Variants in RBL1 observed in about 807,000 individuals in gnomAD.
RBL1 encodes the protein retinoblastoma-like protein 1.
A neutral mutation model predicts 123.0 loss-of-function variants in RBL1; 82 were observed. That is an observed-to-expected ratio of 0.67 (90% confidence interval 0.56 to 0.80). The LOEUF (loss-of-function observed/expected upper bound fraction) is 0.80, where lower values mean the gene tolerates loss of function less well. RBL1 is among the 30% of genes least tolerant of loss of function. The pLI, the probability that RBL1 is intolerant of heterozygous loss-of-function variation, is 0.00. For synonymous variants in RBL1, 405 were observed against 441.3 expected (o/e 0.92, Z 1.03); for missense variants, 1,171 against 1,299.6 (o/e 0.90, Z 1.52).
chr20:37,019,887 G>A (rs1225698002), intron 18 of RBL1, among the ~76,000 whole-genome samples: 1 of 152,052 alleles, frequency 6.6e-6, no homozygotes, highest in African/African-American at 2.4e-5. Context: ...ATGACTGAAA[G>A]GTTTCATGGA....
At chr20:37,055,489 C>A in intron 11 of RBL1, 64 bp downstream of exon 11, 1 of 1,609,794 alleles carries the variant, frequency 6.2e-7, no homozygotes, top group South Asian at 1.1e-5. Context: ...CAGAGCCTCT[C>A]AAAACACTGC....
At chr20:37,007,339 C>T (rs1236452625) in intron 20 of RBL1, 72 bp downstream of exon 20, 19 of 1,504,106 alleles carry the variant, frequency 1.3e-5, no homozygotes, top group Non-Finnish European at 1.6e-5. Flanking sequence ...ACATATTTAT[C>T]TAGCAAAATA....
At chr20:37,002,618 C>G (rs552642248) in intron 21 of RBL1, among the ~76,000 whole-genome samples, 1 of 150,874 alleles carries the variant, frequency 6.6e-6, no homozygotes, top group South Asian at 2.1e-4. Context: ...GGATTACAGG[C>G]ATGAGCCACC....
intron 13 of RBL1, among the ~76,000 whole-genome samples, chr20:37,043,162 G>GCACACACA (rs147834827): frequency 0.037 from 5,528 of 147,850 alleles, 197 homozygotes; most frequent in African/African-American, 0.094. Context: ...ATGCGCGCGT[G>GCACACACA]CACACACACA....
intron 12 of RBL1, among the ~76,000 whole-genome samples, chr20:37,045,349 G>T (rs1306878099): frequency 6.6e-6 from 1 of 151,910 alleles, no homozygotes; most frequent in Non-Finnish European, 1.5e-5. Flanking sequence ...CTCATGATCC[G>T]CCCGCCTTGG....
chr20:37,061,133 G>A lies in RBL1; in HGVS notation c.1220C>T (p.Ala407Val), dbSNP rs750014417. ...AATATTTATAAGTTGGTCACTTGGT[G>A]CATTTTTCAGACCAGCCACAATACT... ...LQSIVAGLKNAPSDQLINIFE... is the reference protein window; with the variant it reads ...LQSIVAGLKNVPSDQLINIFE... The change falls in exon 9 of 22, where the codon GCA becomes GTA. Residue 407 changes from alanine to valine, a missense_variant. Physicochemically the swap from Ala to Val is moderately conservative, Grantham distance 64. Transcript: ENST00000373664. The A allele has an allele frequency of 3.7e-6, 6 of 1,610,042 alleles. No individual in the cohort carries two copies. The South Asian group carries it at 5.5e-5, about 15-fold the overall frequency.
chr20:37,077,666 GCT>G (rs2146319947), intron 2 of RBL1, among the ~76,000 whole-genome samples: 1 of 151,468 alleles, frequency 6.6e-6, no homozygotes, highest in South Asian at 2.1e-4. Context: ...TAGCTTGTTG[GCT>G]CTTTTTCTCT....
chr20:37,072,490 G>A (rs1034200000), intron 2 of RBL1, among the ~76,000 whole-genome samples: 1 of 151,844 alleles, frequency 6.6e-6, no homozygotes, highest in Admixed American at 6.6e-5. Flanking sequence ...CAACGAGAGC[G>A]AAACTCCGTC....
At chr20:37,010,735 A>G (rs1425159799) in intron 19 of RBL1, among the ~76,000 whole-genome samples, 2 of 152,086 alleles carry the variant, frequency 1.3e-5, no homozygotes, top group Non-Finnish European at 2.9e-5. Flanking sequence ...TCACGGACTC[A>G]AACATCATTA....
At position 37,062,218 on chromosome 20, in the gene RBL1, C is replaced by G; in HGVS notation, c.949G>C (p.Asp317His). Residue 317 changes from aspartate (D) to histidine (H), a missense_variant, in exon 8 of 22, where the codon GAT (aspartate) becomes CAT (histidine). Asp to His is a moderately conservative substitution (Grantham distance 81, BLOSUM62 -1). Coordinates refer to ENST00000373664, the MANE Select transcript of RBL1 (RefSeq NM_002895.5). ...EEYVLTVGDF[D>H]ERIFLGADAE... The stretch of plus-strand genomic sequence containing the variant: ...TCTGCTCCCAAAAAGATCCTCTCAT[C>G]AAAATCACCAACAGTTAGAACATAC... The G allele has an allele frequency of 6.2e-7, 1 of 1,614,210 alleles. No individual in the cohort carries two copies. Among genetic ancestry groups the G allele is most frequent in the African/African-American group, 1.3e-5 (1 of 75,064 alleles).
At chr20:37,017,664 C>T (rs2064279514) in intron 19 of RBL1, among the ~76,000 whole-genome samples, 1 of 87,134 alleles carries the variant, frequency 1.1e-5, no homozygotes. Context: ...CAGAGTCTCA[C>T]TTTGCCGCCA....
intron 2 of RBL1, among the ~76,000 whole-genome samples, chr20:37,083,670 T>C (rs1397250017): frequency 3.1e-5 from 4 of 129,634 alleles, no homozygotes; most frequent in Non-Finnish European, 4.8e-5. Flanking sequence ...GTGGGTGTGG[T>C]GGCATGCACC....
chr20:37,028,708 T>C (rs1208403746), intron 16 of RBL1, among the ~76,000 whole-genome samples: 1 of 152,172 alleles, frequency 6.6e-6, no homozygotes, highest in Non-Finnish European at 1.5e-5. Context: ...GCTGGCCAAC[T>C]ACTTACTCAA....
At chr20:37,023,177 A>G (rs980329672) in intron 16 of RBL1, among the ~76,000 whole-genome samples, 1 of 151,536 alleles carries the variant, frequency 6.6e-6, no homozygotes, top group Non-Finnish European at 1.5e-5. Flanking sequence ...GCTGGAGTGC[A>G]GTGGCACAAT....
chr20:37,005,890 C>CTTTTTTTTTTTTT (rs1568814331), intron 20 of RBL1, among the ~76,000 whole-genome samples: 4 of 102,248 alleles, frequency 3.9e-5, no homozygotes, highest in African/African-American at 1.3e-4. Context: ...TTTTTTTTTT[C>CTTTTTTTTTTTTT]TTTCTTTTTT....
intron 21 of RBL1, among the ~76,000 whole-genome samples, chr20:37,001,932 A>C (rs1429402500): frequency 1.4e-4 from 21 of 151,244 alleles, no homozygotes; most frequent in South Asian, 2.1e-4. Flanking sequence ...AAAAAAAAAA[A>C]AAAAAAAAAA....
At chr20:37,035,106 C>T (rs1384553490) in intron 15 of RBL1, 136 bp downstream of exon 15, 5 of 891,850 alleles carry the variant, frequency 5.6e-6, no homozygotes, top group Non-Finnish European at 8.1e-6. Context: ...CTAAAAAATT[C>T]AAATCTATTT....
At chr20:37,081,442 A>G (rs2065446929) in intron 2 of RBL1, among the ~76,000 whole-genome samples, 1 of 152,148 alleles carries the variant, frequency 6.6e-6, no homozygotes, top group Admixed American at 6.6e-5. Context: ...GAAGTTCAAG[A>G]CCAACCTGGG....
chr20:37,084,529 G>A (rs1314946954), intron 2 of RBL1, among the ~76,000 whole-genome samples: 2 of 151,902 alleles, frequency 1.3e-5, no homozygotes, highest in East Asian at 1.9e-4. Flanking sequence ...GGTGAGACCC[G>A]TCTCTACAAA....
Sources: allele counts gnomAD v4.1 joint callset (sites outside exome capture counted in the v4.1 genomes callset), GRCh38; gene constraint gnomAD v4.1.1; transcripts MANE v1.5; gene names NCBI Gene and HGNC (gene_info 2026-07-23, HGNC 2026-07-21).